The following GSDMC variants were observed in gnomAD, a reference collection of about 807,000 sequenced individuals.
The protein encoded by GSDMC is gasdermin C, also known as gasdermin-C.
GSDMC carries 59 observed loss-of-function variants against 58.0 expected under a neutral mutation model. The observed-to-expected ratio is 1.02, with a 90% CI of 0.82 to 1.26. The LOEUF (loss-of-function observed/expected upper bound fraction) is 1.26. Ranked by LOEUF, GSDMC falls within the 50% of genes most tolerant of loss-of-function variation. The probability of loss-of-function intolerance (pLI) is 0.00; values close to 1 mark genes in which losing one functional copy is unlikely to be tolerated. For missense variants in GSDMC, 659 were observed against 598.5 expected (o/e 1.10, Z -1.06); for synonymous variants, 241 against 220.2 (o/e 1.09, Z -0.83).
intron 1 of GSDMC, among the ~76,000 whole-genome samples, chr8:129,780,694 A>T (rs1313599570): frequency 6.6e-6 from 1 of 152,238 alleles, no homozygotes; most frequent in Non-Finnish European, 1.5e-5. Flanking sequence ...AGAAGAAATC[A>T]TCTGAAGGTA....
At chr8:129,729,406 AC>A in the GSDMC span, 19 of 369,962 alleles carry the variant, frequency 5.1e-5, no homozygotes, top group Admixed American at 8.0e-5. Flanking sequence ...GGTGTGCTGC[AC>A]CCATTAACTC....
chr8:129,771,993 A>T (rs1006475015), intron 3 of GSDMC, among the ~76,000 whole-genome samples: 2 of 152,164 alleles, frequency 1.3e-5, no homozygotes, highest in African/African-American at 4.8e-5. Context: ...GGCCAGGCGC[A>T]GTGGCTCACA....
chr8:129,742,405 C>T, the GSDMC span, among the ~76,000 whole-genome samples: 2 of 152,042 alleles, frequency 1.3e-5, no homozygotes, highest in African/African-American at 4.8e-5. Context: ...GATTTATCAA[C>T]TTAAAGTAAT....
At chr8:129,719,789 A>T in the GSDMC span, among the ~76,000 whole-genome samples, 8 of 152,184 alleles carry the variant, frequency 5.3e-5, no homozygotes, top group Non-Finnish European at 8.8e-5. Flanking sequence ...TACTAAAAAT[A>T]CAAAGATTAG....
the GSDMC span, among the ~76,000 whole-genome samples, chr8:129,726,780 C>T: frequency 2.7e-4 from 40 of 147,792 alleles, no homozygotes; most frequent in African/African-American, 9.2e-4. Context: ...CCACCCACCC[C>T]CTGCCTCTAG....
chr8:129,780,365 A>C (rs1304907529), intron 1 of GSDMC, among the ~76,000 whole-genome samples: 2 of 152,208 alleles, frequency 1.3e-5, no homozygotes, highest in Non-Finnish European at 2.9e-5. Context: ...CCCAAATATC[A>C]AGTATAAAGT....
At chr8:129,784,566 A>C (rs754430643) in intron 1 of GSDMC, among the ~76,000 whole-genome samples, 3 of 152,200 alleles carry the variant, frequency 2.0e-5, no homozygotes, top group Admixed American at 1.3e-4. Context: ...CCCTGTTAAA[A>C]TGGCTTATAT....
downstream of GSDMC, among the ~76,000 whole-genome samples, chr8:129,747,742 C>T (rs2032999532): frequency 6.6e-6 from 1 of 152,070 alleles, no homozygotes; most frequent in Non-Finnish European, 1.5e-5. Context: ...GAGCACGAGA[C>T]CAGCTGTCCA....
At chr8:129,745,448 T>C (rs1219192331), downstream of GSDMC, among the ~76,000 whole-genome samples, 1 of 152,210 alleles carries the variant, frequency 6.6e-6, no homozygotes, top group Non-Finnish European at 1.5e-5. Context: ...TCCAGCCTCA[T>C]GACTTTAATA....
At chr8:129,712,815 TA>T in the GSDMC span, among the ~76,000 whole-genome samples, 1 of 152,194 alleles carries the variant, frequency 6.6e-6, no homozygotes, top group African/African-American at 2.4e-5. Context: ...TAGAGTTTCT[TA>T]AAACTCTCCT....
intron 1 of GSDMC, among the ~76,000 whole-genome samples, chr8:129,781,401 G>C (rs1004747325): frequency 1.3e-5 from 2 of 152,164 alleles, no homozygotes; most frequent in African/African-American, 4.8e-5. Context: ...AGACAAAATA[G>C]ATTTAGATTC....
chr8:129,708,747 T>C, the GSDMC span, among the ~76,000 whole-genome samples: 2 of 152,224 alleles, frequency 1.3e-5, no homozygotes, highest in Non-Finnish European at 2.9e-5. Context: ...GGGAATGCCG[T>C]CCTTAACTAA....
the GSDMC span, among the ~76,000 whole-genome samples, chr8:129,725,745 T>C: frequency 0.023 from 3,497 of 152,258 alleles, 114 homozygotes; most frequent in African/African-American, 0.08. Flanking sequence ...CACTATTTAA[T>C]TTATGTCAAT....
At chr8:129,714,535 A>C in the GSDMC span, among the ~76,000 whole-genome samples, 1 of 152,220 alleles carries the variant, frequency 6.6e-6, no homozygotes, top group Non-Finnish European at 1.5e-5. Context: ...TATTGTTGTC[A>C]TCTATCTATA....
chr8:129,772,343 T>G (rs1586609743), intron 3 of GSDMC, among the ~76,000 whole-genome samples: 1 of 150,076 alleles, frequency 6.7e-6, no homozygotes, highest in Non-Finnish European at 1.5e-5. Flanking sequence ...GTAATAAAAC[T>G]GAGGGGTTTT....
At chr8:129,713,864 CAG>C in the GSDMC span, among the ~76,000 whole-genome samples, 3 of 152,066 alleles carry the variant, frequency 2.0e-5, no homozygotes, top group Non-Finnish European at 4.4e-5. Flanking sequence ...GCCCCTGACT[CAG>C]GGGGGATTTA....
the GSDMC span, chr8:129,730,050 T>C: frequency 8.5e-7 from 1 of 1,174,624 alleles, no homozygotes; most frequent in Non-Finnish European, 1.2e-6. Flanking sequence ...GAGTATTCCT[T>C]GAAAATAAGT....
the GSDMC span, among the ~76,000 whole-genome samples, chr8:129,743,015 T>C: frequency 6.6e-6 from 1 of 152,192 alleles, no homozygotes; most frequent in African/African-American, 2.4e-5. Flanking sequence ...CATTGGGTCT[T>C]TCTGTGCCTG....
At chr8:129,732,703 C>T in the GSDMC span, among the ~76,000 whole-genome samples, 3 of 152,142 alleles carry the variant, frequency 2.0e-5, no homozygotes, top group East Asian at 1.9e-4. Context: ...CCAAGATGGC[C>T]GAATAGGAAC....
Sources: allele counts gnomAD v4.1 joint callset (sites outside exome capture counted in the v4.1 genomes callset), GRCh38; gene constraint gnomAD v4.1.1; transcripts MANE v1.5; gene names NCBI Gene and HGNC (gene_info 2026-07-23, HGNC 2026-07-21).